Variants in LHPP observed in about 807,000 individuals in gnomAD.
The protein encoded by LHPP is phospholysine phosphohistidine inorganic pyrophosphate phosphatase.
LHPP carries 24 observed loss-of-function variants against 30.3 expected under a neutral mutation model. The ratio of observed to expected loss-of-function variants is 0.79; its 90% confidence interval spans 0.57 to 1.11. The LOEUF (loss-of-function observed/expected upper bound fraction) is 1.11, where lower values mean the gene tolerates loss of function less well. LHPP is among the 50% of genes most tolerant of loss of function. The pLI, the probability that LHPP is intolerant of heterozygous loss-of-function variation, is 0.00. For synonymous variants in LHPP, 150 were observed against 157.1 expected (o/e 0.95, Z 0.34); for missense variants, 356 against 367.2 (o/e 0.97, Z 0.25).
At chr10:124,575,082 C>A (rs1053090226) in intron 6 of LHPP, among the ~76,000 whole-genome samples, 1 of 152,186 alleles carries the variant, frequency 6.6e-6, no homozygotes, top group Non-Finnish European at 1.5e-5. Flanking sequence ...TAAGCAGAAA[C>A]AGAATATTTT....
At chr10:124,522,042 C>T (rs1054177217) in intron 6 of LHPP, among the ~76,000 whole-genome samples, 18 of 152,234 alleles carry the variant, frequency 1.2e-4, no homozygotes, top group Admixed American at 2.6e-4. Flanking sequence ...AGTGAAGCCT[C>T]GGGGTTGGGA....
intron 6 of LHPP, among the ~76,000 whole-genome samples, chr10:124,520,729 G>A (rs974157428): frequency 6.6e-6 from 1 of 152,196 alleles, no homozygotes; most frequent in Non-Finnish European, 1.5e-5. Flanking sequence ...CAGTTAAAGG[G>A]ATGGGAGGTC....
At chr10:124,582,327 T>A (rs971280286) in intron 6 of LHPP, among the ~76,000 whole-genome samples, 5 of 152,094 alleles carry the variant, frequency 3.3e-5, no homozygotes, top group African/African-American at 1.2e-4. Context: ...CAAGCAATCC[T>A]CCTGGCTAGG....
At chr10:124,495,100 A>G (rs1953663556) in intron 3 of LHPP, among the ~76,000 whole-genome samples, 1 of 152,220 alleles carries the variant, frequency 6.6e-6, no homozygotes, top group South Asian at 2.1e-4. Context: ...TAAATGCAAA[A>G]TATACATTTG....
At chr10:124,551,869 C>T (rs1038993616) in intron 6 of LHPP, among the ~76,000 whole-genome samples, 2 of 152,172 alleles carry the variant, frequency 1.3e-5, no homozygotes, top group Non-Finnish European at 2.9e-5. Context: ...CGGAGGCGCA[C>T]GCAGGATGTC....
At chr10:124,469,699 AGTGCCTCT>A (rs1259843404) in intron 1 of LHPP, among the ~76,000 whole-genome samples, 1 of 151,904 alleles carries the variant, frequency 6.6e-6, no homozygotes, top group Non-Finnish European at 1.5e-5. Flanking sequence ...GCAAACATTG[AGTGCCTCT>A]GCTGTACTAA....
intron 6 of LHPP, among the ~76,000 whole-genome samples, chr10:124,555,593 T>C (rs1948284311): frequency 6.6e-6 from 1 of 152,144 alleles, no homozygotes; most frequent in Non-Finnish European, 1.5e-5. Flanking sequence ...AGAGGGCACC[T>C]GTAGGGCTGG....
intron 6 of LHPP, among the ~76,000 whole-genome samples, chr10:124,562,334 T>C (rs564318841): frequency 1.8e-4 from 27 of 151,618 alleles, no homozygotes; most frequent in Non-Finnish European, 2.9e-4. Context: ...AACAAATAAA[T>C]AGAAGATACA....
At chr10:124,483,442 GAGGT>G (rs1953205675) in intron 1 of LHPP, among the ~76,000 whole-genome samples, 1 of 152,162 alleles carries the variant, frequency 6.6e-6, no homozygotes, top group South Asian at 2.1e-4. Context: ...TTGTGGAGAG[GAGGT>G]ATTGCATGGA....
intron 6 of LHPP, among the ~76,000 whole-genome samples, chr10:124,587,222 A>T (rs1189937008): frequency 5.3e-5 from 8 of 151,322 alleles, no homozygotes; most frequent in African/African-American, 1.7e-4. Context: ...TTCAGTAGAG[A>T]TGGGGTTTGG....
At chr10:124,557,504 A>G (rs565369599) in intron 6 of LHPP, among the ~76,000 whole-genome samples, 44 of 152,200 alleles carry the variant, frequency 2.9e-4, no homozygotes, top group Non-Finnish European at 4.7e-4. Context: ...GTATAGCTTT[A>G]TTTGATTACT....
At chr10:124,479,472 G>C (rs1485409673) in intron 1 of LHPP, among the ~76,000 whole-genome samples, 1 of 152,240 alleles carries the variant, frequency 6.6e-6, no homozygotes, top group Admixed American at 6.5e-5. Context: ...AGTCGGCCTG[G>C]GCTGCCATAA....
intron 6 of LHPP, among the ~76,000 whole-genome samples, chr10:124,581,444 G>C (rs1948740953): frequency 6.6e-6 from 1 of 152,172 alleles, no homozygotes; most frequent in East Asian, 1.9e-4. Flanking sequence ...GGGTCACGTG[G>C]TATCTATTTT....
intron 1 of LHPP, among the ~76,000 whole-genome samples, chr10:124,477,876 C>T (rs1854703747): frequency 6.6e-6 from 1 of 152,218 alleles, no homozygotes; most frequent in African/African-American, 2.4e-5. Flanking sequence ...GCCCTATGTC[C>T]TCCTGAGCAC....
chr10:124,574,412 A>C (rs906323687), intron 6 of LHPP, among the ~76,000 whole-genome samples: 4 of 152,098 alleles, frequency 2.6e-5, no homozygotes, highest in African/African-American at 9.7e-5. Flanking sequence ...GAGTCCCCAG[A>C]ACTTCACAGG....
At position 124,510,344 on chromosome 10, in the gene LHPP, C is replaced by T. The variant is rs1247282792; in HGVS notation, c.625-6836C>T. Reference sequence around the variant, plus strand: ...CTGAGCGCACTTTGGTATGCGGAGCCCACAAGCTGGCCTGGACAGGCATCA... The same window carrying T: ...CTGAGCGCACTTTGGTATGCGGAGCTCACAAGCTGGCCTGGACAGGCATCA... On this transcript the variant is annotated intron_variant, in intron 5 of 6. Transcript: ENST00000368842. This position sits in a 1 kb window ranked among gnomAD's most constrained non-coding sequence, Gnocchi z 4.0. Among the ~76,000 whole-genome samples the T allele has an allele frequency of 1.3e-5, 2 of 152,214 alleles. No individual in the cohort carries two copies. Among genetic ancestry groups the T allele is most frequent in the African/African-American group, 4.8e-5 (2 of 41,458 alleles).
chr10:124,498,471 A>G, intron 5 of LHPP: 1 of 1,472,150 alleles, frequency 6.8e-7, no homozygotes. Flanking sequence ...GCAAGATTAC[A>G]ACAATATGGA....
At chr10:124,491,337 T>G (rs1953520898) in intron 3 of LHPP, among the ~76,000 whole-genome samples, 1 of 152,220 alleles carries the variant, frequency 6.6e-6, no homozygotes, top group Admixed American at 6.5e-5. Flanking sequence ...CTGCTTGCTG[T>G]ACGGGACCAG....
chr10:124,477,287 G>A (rs1952979888), intron 1 of LHPP, among the ~76,000 whole-genome samples: 1 of 152,160 alleles, frequency 6.6e-6, no homozygotes, highest in Non-Finnish European at 1.5e-5. Flanking sequence ...ACAACCCCCG[G>A]GGAAGGGGGT....
Sources: allele counts gnomAD v4.1 joint callset (sites outside exome capture counted in the v4.1 genomes callset), GRCh38; gene constraint gnomAD v4.1.1; non-coding constraint Gnocchi (gnomAD v3.1); transcripts MANE v1.5; gene names NCBI Gene and HGNC (gene_info 2026-07-23, HGNC 2026-07-21).